TMEM108: variants seen among roughly 807,000 people sequenced by gnomAD.
The protein encoded by TMEM108 is cancer/testis antigen 124.
A neutral mutation model predicts 35.1 loss-of-function variants in TMEM108; 12 were observed. The ratio of observed to expected loss-of-function variants is 0.34; its 90% confidence interval spans 0.22 to 0.55. The LOEUF (loss-of-function observed/expected upper bound fraction) is 0.55. TMEM108 is among the 20% of genes least tolerant of loss of function. The pLI is 0.89. For missense variants in TMEM108, 680 were observed against 753.3 expected (o/e 0.90, Z 1.14); for synonymous variants, 287 against 308.6 (o/e 0.93, Z 0.73).
At chr3:133,205,468 T>C (rs947758321) in intron 2 of TMEM108, among the ~76,000 whole-genome samples, 1 of 152,222 alleles carries the variant, frequency 6.6e-6, no homozygotes, top group Non-Finnish European at 1.5e-5. Context: ...TATTTAGTGC[T>C]TCCTTCAGGA....
intron 1 of TMEM108, among the ~76,000 whole-genome samples, chr3:133,040,540 A>G (rs1382949384): frequency 2.0e-5 from 3 of 151,750 alleles, no homozygotes; most frequent in Non-Finnish European, 4.4e-5. Context: ...AGTAGAGGGG[A>G]GAAAAGAATG....
At chr3:133,279,845 G>A (rs1946887695) in intron 3 of TMEM108, among the ~76,000 whole-genome samples, 1 of 152,136 alleles carries the variant, frequency 6.6e-6, no homozygotes, top group Non-Finnish European at 1.5e-5. Context: ...TTTCAGACCT[G>A]AACATTAACA....
intron 2 of TMEM108, among the ~76,000 whole-genome samples, chr3:133,074,811 G>C (rs1943720662): frequency 6.6e-6 from 1 of 152,130 alleles, no homozygotes; most frequent in African/African-American, 2.4e-5. Context: ...TTATAATAAA[G>C]TTTTTATAAA....
At chr3:133,315,075 G>C (rs1451728065) in intron 3 of TMEM108, among the ~76,000 whole-genome samples, 2 of 152,156 alleles carry the variant, frequency 1.3e-5, no homozygotes, top group African/African-American at 2.4e-5. Flanking sequence ...CCTATTAATA[G>C]GTTGTTGTAA....
chr3:133,082,021 C>T (rs1429611197), intron 2 of TMEM108, among the ~76,000 whole-genome samples: 1 of 152,216 alleles, frequency 6.6e-6, no homozygotes, highest in Non-Finnish European at 1.5e-5. Context: ...AAGACACCCA[C>T]AGCTAGGAGC....
chr3:133,138,767 A>ATT (rs952541931), intron 2 of TMEM108, among the ~76,000 whole-genome samples: 1 of 147,694 alleles, frequency 6.8e-6, no homozygotes, highest in African/African-American at 2.5e-5. Flanking sequence ...ACCTCTGTTG[A>ATT]TTTTTTTTTT....
At chr3:133,334,286 C>G (rs2071448540) in intron 3 of TMEM108, among the ~76,000 whole-genome samples, 1 of 152,018 alleles carries the variant, frequency 6.6e-6, no homozygotes, top group Non-Finnish European at 1.5e-5. Context: ...AGGATCATAG[C>G]CAAATTGAGG....
chr3:133,352,746 C>A (rs1239385944), intron 3 of TMEM108, among the ~76,000 whole-genome samples: 2 of 152,212 alleles, frequency 1.3e-5, no homozygotes, highest in Non-Finnish European at 2.9e-5. Flanking sequence ...CCTTTCTGGG[C>A]ATCCCACCCT....
At chr3:133,272,272 C>CGTGTGTGTGTGTGTGTGTGT (rs3078833) in intron 3 of TMEM108, among the ~76,000 whole-genome samples, 30 of 137,838 alleles carry the variant, frequency 2.2e-4, no homozygotes, top group East Asian at 6.6e-4. Context: ...CATACACGTA[C>CGTGTGTGTGTGTGTGTGTGT]GTGTGTGTGT....
intron 3 of TMEM108, among the ~76,000 whole-genome samples, chr3:133,299,071 GATTC>G (rs1947183602): frequency 6.6e-6 from 1 of 152,072 alleles, no homozygotes; most frequent in Non-Finnish European, 1.5e-5. Context: ...GTTAGTGCTT[GATTC>G]ATGGCCAGTG....
chr3:133,191,514 A>G (rs535150488), intron 2 of TMEM108, among the ~76,000 whole-genome samples: 1 of 152,344 alleles, frequency 6.6e-6, no homozygotes, highest in East Asian at 1.9e-4. Flanking sequence ...CTCATGCCAC[A>G]TGCCAACAAG....
At chr3:133,082,295 G>A (rs901458346) in intron 2 of TMEM108, among the ~76,000 whole-genome samples, 1 of 152,150 alleles carries the variant, frequency 6.6e-6, no homozygotes, top group Admixed American at 6.5e-5. Context: ...AACTGCCAGC[G>A]GCACTGAATG....
chr3:133,304,199 T>C (rs1391875742), intron 3 of TMEM108, among the ~76,000 whole-genome samples: 1 of 152,184 alleles, frequency 6.6e-6, no homozygotes. Context: ...CCCTCATGTG[T>C]ATAATACGGC....
At chr3:133,213,769 G>A (rs951835522) in intron 2 of TMEM108, among the ~76,000 whole-genome samples, 4 of 151,942 alleles carry the variant, frequency 2.6e-5, no homozygotes, top group African/African-American at 9.7e-5. Context: ...ACATTGTTTT[G>A]GACCTTTCTT....
At chr3:133,047,012 A>G (rs561112703) in intron 2 of TMEM108, among the ~76,000 whole-genome samples, 1 of 152,306 alleles carries the variant, frequency 6.6e-6, no homozygotes, top group Admixed American at 6.5e-5. Context: ...AATGAGTACA[A>G]TTTACTGAAC....
chr3:133,189,959 T>A (rs1243414708), intron 2 of TMEM108, among the ~76,000 whole-genome samples: 1 of 152,188 alleles, frequency 6.6e-6, no homozygotes, highest in African/African-American at 2.4e-5. Context: ...CATGGACATT[T>A]TGGGACCATC....
chr3:133,188,575 G>A (rs1050435723), intron 2 of TMEM108, among the ~76,000 whole-genome samples: 2 of 152,056 alleles, frequency 1.3e-5, no homozygotes, highest in Non-Finnish European at 2.9e-5. Context: ...AACACTGTCC[G>A]TCTACCAAGA....
chr3:133,110,424 T>G (rs538178906), intron 2 of TMEM108, among the ~76,000 whole-genome samples: 1 of 152,312 alleles, frequency 6.6e-6, no homozygotes, highest in East Asian at 1.9e-4. Flanking sequence ...TTTTCTACAC[T>G]CCTTTCATTC....
Position 133,315,206 on chromosome 3 carries a change from T to A in TMEM108, c.41-64546T>A, listed in dbSNP as rs144220719. Among the ~76,000 whole-genome samples the A allele has an allele frequency of 4.3e-3, 648 of 152,350 alleles. 2 individuals carry two copies. The highest frequency in any genetic ancestry group is 0.014 in the African/African-American group (601 of 41,590). ...TGAAGAAAGTAAAGGCATGGATTAA[T>A]ATCCTGTTTTTATGGTTGAAGAAGT... On this transcript the variant is annotated intron_variant, in intron 3 of 5. Coordinates refer to ENST00000321871, the MANE Select transcript of TMEM108 (RefSeq NM_023943.4).
Sources: gnomAD v4.1 joint callset for allele counts (sites outside exome capture counted in the v4.1 genomes callset) on GRCh38, gnomAD v4.1.1 for gene constraint, MANE v1.5 for transcripts, NCBI Gene and HGNC (gene_info 2026-07-23, HGNC 2026-07-21) for gene names.